The following SPNS3 variants were observed in gnomAD, a reference collection of about 807,000 sequenced individuals.
SPNS3 encodes SPNS lysolipid transporter 3, sphingosine-1-phosphate (putative), also known as protein spinster homolog 3.
SPNS3 carries 51 observed loss-of-function variants against 54.4 expected under a neutral mutation model. The observed-to-expected ratio is 0.94, with a 90% CI of 0.75 to 1.18. The LOEUF (loss-of-function observed/expected upper bound fraction) is 1.18, where lower values mean the gene tolerates loss of function less well. SPNS3 is among the 50% of genes most tolerant of loss of function. The pLI is 0.00. For missense variants in SPNS3, 669 were observed against 677.4 expected, an observed-to-expected ratio of 0.99 and a Z score of 0.14; for synonymous variants, 309 against 294.7, an observed-to-expected ratio of 1.05 and a Z score of -0.50.
chr17:4,482,797 C>T (rs1420241946), intron 9 of SPNS3, among the ~76,000 whole-genome samples: 2 of 152,204 alleles, frequency 1.3e-5, no homozygotes, highest in African/African-American at 2.4e-5. Context: ...TCTGTCCCCG[C>T]CCCACTCAGG....
chr17:4,444,987 C>T (rs1970944012), intron 2 of SPNS3, 45 bp from the exon 3 acceptor site: 1 of 1,580,374 alleles, frequency 6.3e-7, no homozygotes, highest in African/African-American at 1.3e-5. Flanking sequence ...TCTGCCCTGC[C>T]ACGGTCGTGG....
intron 2 of SPNS3, among the ~76,000 whole-genome samples, chr17:4,441,268 A>G (rs1415097253): frequency 6.6e-6 from 1 of 152,208 alleles, no homozygotes; most frequent in African/African-American, 2.4e-5. Flanking sequence ...CACGCCTGTA[A>G]TCCCAGCTCT....
At chr17:4,444,175 C>T (rs16953929) in intron 2 of SPNS3, among the ~76,000 whole-genome samples, 16,226 of 151,996 alleles carry the variant, frequency 0.11, 1,021 homozygotes, top group African/African-American at 0.18. Flanking sequence ...CAACTTTTTC[C>T]TGGCTTCCTG....
intron 8 of SPNS3, among the ~76,000 whole-genome samples, chr17:4,468,755 TTCTTTCTC>T (rs965668698): frequency 2.1e-5 from 3 of 144,060 alleles, no homozygotes; most frequent in South Asian, 2.1e-4. Context: ...CTTTCTTTCT[TTCTTTCTC>T]TCTTTCTTTT....
rs577991230 is a variant in SPNS3 at position 4,471,885 on chromosome 17, G to A, written c.1114-6687G>A. 4.0e-5 allele frequency among the ~76,000 whole-genome samples: 6 copies of A among 151,084 alleles called. No individual in the cohort carries two copies. The South Asian group carries it at 1.3e-3, about 32-fold the overall frequency. On this transcript the variant is annotated intron_variant, in intron 8 of 11. Coordinates refer to ENST00000355530, the MANE Select transcript of SPNS3 (RefSeq NM_182538.5). ...ATTTTTTGTTTTTTTTTGAGACAGA[G>A]TCTCACTCTGTCGCCCAAGCTGGAG...
In SPNS3 at chr17:4,486,621, G is replaced by T; in HGVS notation, c.1450+38G>T. ...TTGCACCAGGCCCGGCTCAGGGCCG[G>T]CACCCTAGGGACAGACAGCACTGGC... On this transcript the variant is annotated intron_variant, in intron 11 of 11. Transcript: ENST00000355530. The surrounding 1 kb of genome is among the most constrained non-coding windows in gnomAD (Gnocchi z 5.5). 6.3e-7 allele frequency: 1 copy of T among 1,581,176 alleles called. No individual in the cohort carries two copies.
intron 8 of SPNS3, among the ~76,000 whole-genome samples, chr17:4,465,897 T>C (rs1186256272): frequency 6.6e-6 from 1 of 152,228 alleles, no homozygotes; most frequent in African/African-American, 2.4e-5. Flanking sequence ...TGACATTGCA[T>C]GGGAAAGTGT....
At chr17:4,447,094 C>T (rs1327896740) in intron 5 of SPNS3, 132 bp downstream of exon 5, 25 of 922,812 alleles carry the variant, frequency 2.7e-5, no homozygotes, top group Middle Eastern at 2.1e-4. Context: ...GGTCAGGCAT[C>T]GGCAGCTTTG....
Position 4,456,104 on chromosome 17 carries a change from A to G in SPNS3, c.1113+2899A>G, listed in dbSNP as rs1301633767. ...ACAACTGGGACTACAGGCGTGCACC[A>G]CCACACCAGGCTAATTTTTGTATTT... On this transcript the variant is annotated intron_variant, in intron 8 of 11. Transcript: ENST00000355530. 3.3e-5 allele frequency among the ~76,000 whole-genome samples: 5 copies of G among 151,958 alleles called. No individual in the cohort carries two copies. The East Asian group carries it at 9.6e-4, about 29-fold the overall frequency.
chr17:4,437,535 C>G (rs1234445944), intron 1 of SPNS3, among the ~76,000 whole-genome samples: 2 of 151,580 alleles, frequency 1.3e-5, no homozygotes, highest in Non-Finnish European at 2.9e-5. Flanking sequence ...GGCGTGATGG[C>G]GGGCACCTGT....
chr17:4,460,686 C>T (rs1177483293), intron 8 of SPNS3, among the ~76,000 whole-genome samples: 1 of 151,736 alleles, frequency 6.6e-6, no homozygotes, highest in African/African-American at 2.4e-5. Flanking sequence ...TTGTGATACA[C>T]CTGCCTCAAC....
At position 4,434,117 on chromosome 17, in the gene SPNS3, C is replaced by G. The variant is rs3809853; in HGVS notation, c.150C>G (p.Val50=). ...PPWRAYVAAA[V]LCYINLLNYM... is the part of the protein sequence containing the mutation. ...GGAGGGCCTACGTGGCTGCCGCCGTCCTCTGCTACATCAACCTCCTGAATT... is the reference window on the plus strand; with the variant it reads ...GGAGGGCCTACGTGGCTGCCGCCGTGCTCTGCTACATCAACCTCCTGAATT... Residue 50 remains valine, a synonymous_variant, in exon 1 of 12, where the codon GTC becomes GTG. Transcript: ENST00000355530. The G allele has an allele frequency of 0.25, 400,258 of 1,610,900 alleles. 52,002 individuals are homozygous for G. The highest frequency in any genetic ancestry group is 0.38 in the African/African-American group (28,250 of 74,808).
chr17:4,445,348 G>A (rs1052246040), intron 3 of SPNS3, among the ~76,000 whole-genome samples, 180 bp downstream of exon 3: 8 of 151,248 alleles, frequency 5.3e-5, no homozygotes, highest in African/African-American at 1.9e-4. Context: ...TCTCCAGCCT[G>A]AGTCTGCACA....
intron 2 of SPNS3, 174 bp from the exon 3 acceptor site, chr17:4,444,858 C>T (rs1288972217): frequency 3.9e-6 from 3 of 761,930 alleles, no homozygotes; most frequent in Non-Finnish European, 6.4e-6. Flanking sequence ...GCTGCGGCTG[C>T]ATGTTGGCCA....
chr17:4,454,207 A>G (rs1971243393), intron 8 of SPNS3, among the ~76,000 whole-genome samples: 1 of 152,238 alleles, frequency 6.6e-6, no homozygotes, highest in Non-Finnish European at 1.5e-5. Context: ...CAGGGAGCCC[A>G]AAGGGCAGGA....
Position 4,483,909 on chromosome 17 carries a change from C to G in SPNS3, c.1180-2319C>G, listed in dbSNP as rs1023374767. Among the ~76,000 whole-genome samples the G allele has an allele frequency of 1.3e-5, 2 of 152,194 alleles. No individual in the cohort carries two copies. The highest frequency in any genetic ancestry group is 4.8e-5 in the African/African-American group (2 of 41,438). ...CCAGAGATCGTGTCCCTGGGATCCT[C>G]CCTCCACACCGTCGCTTACACTGTC... On this transcript the variant is annotated intron_variant, in intron 9 of 11. Transcript: ENST00000355530. This position sits in a 1 kb window ranked among gnomAD's most constrained non-coding sequence, Gnocchi z 4.2.
At chr17:4,435,130 A>G (rs1369400233) in intron 1 of SPNS3, among the ~76,000 whole-genome samples, 2 of 151,902 alleles carry the variant, frequency 1.3e-5, no homozygotes, top group East Asian at 3.9e-4. Flanking sequence ...AAAAAATTAA[A>G]AATATTTTAG....
intron 4 of SPNS3, chr17:4,446,517 G>A (rs988563102): frequency 1.0e-5 from 5 of 492,638 alleles, no homozygotes; most frequent in Non-Finnish European, 1.8e-5. Flanking sequence ...AAGCGTGTTA[G>A]GGCCAGGCCC....
intron 8 of SPNS3, among the ~76,000 whole-genome samples, chr17:4,468,742 T>TTTCTTTCTTTC (rs1971759955): frequency 7.1e-6 from 1 of 141,778 alleles, no homozygotes; most frequent in South Asian, 2.2e-4. Context: ...TCTTTCTTTC[T>TTTCTTTCTTTC]TTCTTTCTTT....
Sources: gnomAD v4.1 joint callset for allele counts (sites outside exome capture counted in the v4.1 genomes callset) on GRCh38, gnomAD v4.1.1 for gene constraint, Gnocchi (gnomAD v3.1) non-coding constraint, MANE v1.5 for transcripts, NCBI Gene and HGNC (gene_info 2026-07-23, HGNC 2026-07-21) for gene names.